MTPN: variants seen among roughly 807,000 people sequenced by gnomAD.
The protein encoded by MTPN is myotrophin, also known as granule cell differentiation protein.
A neutral mutation model predicts 13.5 loss-of-function variants in MTPN; 2 were observed. The ratio of observed to expected loss-of-function variants is 0.15; its 90% CI spans 0.06 to 0.47. MTPN has a LOEUF of 0.47. MTPN is among the 20% of genes least tolerant of loss of function. The pLI is 0.97. For missense variants in MTPN, 79 were observed against 137.9 expected (o/e 0.57, Z 2.14); for synonymous variants, 46 against 51.7 (o/e 0.89, Z 0.48).
At chr7:135,936,653 C>G (rs1241714465) in intron 3 of MTPN, among the ~76,000 whole-genome samples, 1 of 152,138 alleles carries the variant, frequency 6.6e-6, no homozygotes, top group Non-Finnish European at 1.5e-5. Context: ...TATAACATAC[C>G]CACTTATTTT....
chr7:135,951,724 TGA>T, intron 1 of MTPN, 94 bp from the exon 2 acceptor site: 2 of 733,414 alleles, frequency 2.7e-6, no homozygotes, highest in East Asian at 5.3e-5. Context: ...CTTAAAGCCG[TGA>T]GAGTTTCATG....
At chr7:135,946,708 A>G (rs62489145) in intron 3 of MTPN, among the ~76,000 whole-genome samples, 16,882 of 152,264 alleles carry the variant, frequency 0.11, 1,174 homozygotes, top group East Asian at 0.16. Context: ...TTCCTGGTTA[A>G]GATTTTTTAG....
intron 3 of MTPN, among the ~76,000 whole-genome samples, chr7:135,949,193 CCTAA>C (rs763590979): frequency 1.5e-4 from 23 of 152,174 alleles, no homozygotes; most frequent in Non-Finnish European, 3.1e-4. Flanking sequence ...AAGACAGAGT[CCTAA>C]CTAATACAAT....
Position 135,927,929 on chromosome 7 carries a change from A to G in MTPN, c.*1997T>C, listed in dbSNP as rs892815337. ...GCCAACTACAACAAAACACTTTGAA[A>G]GTAAAGGTGAAAATTATATAAAGGG... On this transcript the variant is annotated 3_prime_UTR_variant, in exon 4 of 4. Coordinates refer to ENST00000393085, the MANE Select transcript of MTPN (RefSeq NM_145808.4). The G allele has an allele frequency of 3.4e-6, 1 of 297,852 alleles. No homozygotes were observed. Among genetic ancestry groups the G allele is most frequent in the East Asian group, 1.0e-4 (1 of 9,886 alleles). 18.5% of individuals were successfully genotyped at this position (297,852 alleles called of 1,614,324 possible).
intron 3 of MTPN, among the ~76,000 whole-genome samples, chr7:135,943,851 G>C (rs1398071845): frequency 6.6e-6 from 1 of 152,160 alleles, no homozygotes; most frequent in Non-Finnish European, 1.5e-5. Context: ...AGCTCAGTGT[G>C]CTAAATATCA....
rs1379559218 is a variant in MTPN, at chr7:135,927,457, C to T, written c.*2469G>A. ...ATGAAATGACTGATTTAATACAAAA[C>T]TACAGAACATGCAAAATTTTTTCTG... is the stretch of plus-strand genomic sequence containing the variant. On this transcript the variant is annotated 3_prime_UTR_variant, in exon 4 of 4. Transcript: ENST00000393085. The T allele has an allele frequency of 5.3e-6, 8 of 1,522,414 alleles. No individual in the cohort carries two copies. The highest frequency in any genetic ancestry group is 7.1e-6 in the Non-Finnish European group (8 of 1,133,232). 94.3% of individuals were successfully genotyped at this position (1,522,414 alleles called of 1,614,324 possible).
At chr7:135,943,569 T>C (rs1340614483) in intron 3 of MTPN, among the ~76,000 whole-genome samples, 1 of 152,246 alleles carries the variant, frequency 6.6e-6, no homozygotes, top group Non-Finnish European at 1.5e-5. Context: ...ATAGCAATTA[T>C]ACATAAAACA....
chr7:135,935,779 C>A (rs1233819902), intron 3 of MTPN, among the ~76,000 whole-genome samples: 2 of 152,144 alleles, frequency 1.3e-5, no homozygotes, highest in African/African-American at 4.8e-5. Context: ...GTACTGTACT[C>A]TAATACATCA....
intron 3 of MTPN, among the ~76,000 whole-genome samples, chr7:135,949,056 T>C (rs1270279314): frequency 6.6e-6 from 1 of 151,894 alleles, no homozygotes; most frequent in Non-Finnish European, 1.5e-5. Context: ...AAAATAAAAA[T>C]AAAAAAATCA....
chr7:135,957,081 A>C (rs1459641619), intron 1 of MTPN, among the ~76,000 whole-genome samples: 1 of 152,240 alleles, frequency 6.6e-6, no homozygotes, highest in Non-Finnish European at 1.5e-5. Flanking sequence ...GTCAGTTATT[A>C]AATTCAGAAC....
At chr7:135,968,060 T>C (rs1799632547) in intron 1 of MTPN, among the ~76,000 whole-genome samples, 3 of 152,146 alleles carry the variant, frequency 2.0e-5, no homozygotes, top group Admixed American at 2.0e-4. Flanking sequence ...CCTCCCAAAA[T>C]GCTGGGATTA....
At chr7:135,944,577 G>T (rs1799261235) in intron 3 of MTPN, among the ~76,000 whole-genome samples, 1 of 151,918 alleles carries the variant, frequency 6.6e-6, no homozygotes, top group African/African-American at 2.4e-5. Flanking sequence ...GGCAGGAGAA[G>T]TGCCTGAACC....
In MTPN at chr7:135,977,232, G is replaced by A; in HGVS notation, c.-132C>T. On this transcript the variant is annotated 5_prime_UTR_variant, in exon 1 of 4. Coordinates refer to ENST00000393085, the MANE Select transcript of MTPN (RefSeq NM_145808.4). ...GAGGAGAAGAAGAGAAGGAGGGTTA[G>A]GCTGCCAGGCGGGCGAGGCAGTTGG... The A allele has an allele frequency of 1.1e-6, 1 of 902,198 alleles. No individual in the cohort carries two copies. The highest frequency in any genetic ancestry group is 1.8e-6 in the Non-Finnish European group (1 of 566,580). The allele number at this position is 902,198 out of a possible 1,614,324, so 55.9% of individuals were successfully genotyped here. A position where few individuals can be genotyped will look rare whatever the true frequency, so the allele number is the denominator to read the frequency against.
chr7:135,955,939 C>T (rs1482528296), intron 1 of MTPN, among the ~76,000 whole-genome samples: 1 of 151,928 alleles, frequency 6.6e-6, no homozygotes. Context: ...CATTTAAGAT[C>T]ATACTTAATT....
At chr7:135,947,224 G>A (rs1799299550) in intron 3 of MTPN, among the ~76,000 whole-genome samples, 1 of 152,068 alleles carries the variant, frequency 6.6e-6, no homozygotes, top group Non-Finnish European at 1.5e-5. Context: ...TCTTCCTGAA[G>A]TGCATCCAAC....
chr7:135,933,495 TA>T (rs1360430529), intron 3 of MTPN, among the ~76,000 whole-genome samples: 1 of 152,238 alleles, frequency 6.6e-6, no homozygotes, highest in African/African-American at 2.4e-5. Context: ...CCAGCTTTTC[TA>T]TTTTGTCAAG....
rs2116328846 is a variant in MTPN at position 135,927,225 on chromosome 7, T to C, written c.*2701A>G. 7.5e-7 allele frequency: 1 copy of C among 1,339,332 alleles called. No homozygotes were observed. Among genetic ancestry groups the C allele is most frequent in the East Asian group, 2.6e-5 (1 of 38,222 alleles). 83.0% of individuals were successfully genotyped at this position (1,339,332 alleles called of 1,614,324 possible). On this transcript the variant is annotated 3_prime_UTR_variant, in exon 4 of 4. Transcript: ENST00000393085. ...AATAAAAGGCCTACTTGTTTGCAGC[T>C]TCCACACACTGCACCTACCTACTAC...
intron 3 of MTPN, among the ~76,000 whole-genome samples, chr7:135,946,871 A>G (rs6947967): frequency 0.058 from 8,854 of 152,220 alleles, 308 homozygotes; most frequent in East Asian, 0.093. Flanking sequence ...CTTTTCTATT[A>G]TGAGTGTCTG....
chr7:135,963,593 C>A (rs879261601), intron 1 of MTPN, among the ~76,000 whole-genome samples: 17 of 152,010 alleles, frequency 1.1e-4, no homozygotes, highest in Non-Finnish European at 1.9e-4. Flanking sequence ...ATAACATCAA[C>A]CTGCTCTTAC....
Sources: gnomAD v4.1 joint callset for allele counts (sites outside exome capture counted in the v4.1 genomes callset) on GRCh38, gnomAD v4.1.1 for gene constraint, MANE v1.5 for transcripts, NCBI Gene and HGNC (gene_info 2026-07-23, HGNC 2026-07-21) for gene names.